The following AHDC1 variants were observed in gnomAD, a reference collection of about 807,000 sequenced individuals.
AHDC1 encodes transcription factor Gibbin.
AHDC1 carries 7 observed loss-of-function variants against 87.9 expected under a neutral mutation model. The observed-to-expected ratio is 0.08, with a 90% CI of 0.05 to 0.15. The LOEUF is 0.15. Ranked by LOEUF, AHDC1 falls within the 10% of genes least tolerant of loss-of-function variation. The pLI is 1.00. For missense variants in AHDC1, 1,841 were observed against 2,253.2 expected (o/e 0.82, Z 3.70); for synonymous variants, 1,051 against 1,006.8 (o/e 1.04, Z -0.83).
intron 3 of AHDC1, among the ~76,000 whole-genome samples, chr1:27,583,632 CT>C (rs1228946200): frequency 1.3e-5 from 2 of 152,134 alleles, no homozygotes; most frequent in Non-Finnish European, 2.9e-5. Flanking sequence ...GCCCTCACCC[CT>C]AACCCGTCTC....
Position 27,558,755 on chromosome 1 carries a change from C to T in AHDC1, c.-500G>A, listed in dbSNP as rs1057333941. 3 of 398,550 alleles carry T rather than the reference C, an allele frequency of 7.5e-6. No homozygotes were observed. Among genetic ancestry groups the T allele is most frequent in the Non-Finnish European group, 1.3e-5 (3 of 226,090 alleles). The allele number at this position is 398,550 out of a possible 1,614,324, so 24.7% of individuals were successfully genotyped here. A position where few individuals can be genotyped will look rare whatever the true frequency, so the allele number is the denominator to read the frequency against. ...GGGCTCAGCAGGAAAGGCCTGTCTTCATCAGCATCTCCAGGGTGGTCTCTG... is the reference window on the plus strand; with the variant it reads ...GGGCTCAGCAGGAAAGGCCTGTCTTTATCAGCATCTCCAGGGTGGTCTCTG... On this transcript the variant is annotated 5_prime_UTR_variant, in exon 4 of 9. An upstream start codon of the reference 5' UTR is lost. Transcript: ENST00000673934. This position sits in a 1 kb window ranked among gnomAD's most constrained non-coding sequence, Gnocchi z 5.6.
chr1:27,545,390 C>T (rs1398337074), intron 8 of AHDC1, among the ~76,000 whole-genome samples: 1 of 151,988 alleles, frequency 6.6e-6, no homozygotes, highest in Non-Finnish European at 1.5e-5. Flanking sequence ...GGGAGCAGGG[C>T]CAGAATGTGG....
rs527249863 is a variant in AHDC1, at chr1:27,575,830, T to A, written c.-628-16947A>T. Among the ~76,000 whole-genome samples, 12 of 146,778 alleles carry A rather than the reference T, an allele frequency of 8.2e-5. 1 individual carries two copies. The South Asian group carries it at 2.4e-3, about 29-fold the overall frequency. ...CGGGAGGGGAGCGGCCCGGCCTCGG[T>A]GTTTTCGGCTTTTTCCTGGCCCCCG... is the stretch of plus-strand genomic sequence containing the variant. On this transcript the variant is annotated intron_variant, in intron 3 of 8. Transcript: ENST00000673934.
chr1:27,599,392 G>A lies in AHDC1; in HGVS notation c.-629+4005C>T, dbSNP rs527477824. 3.3e-5 allele frequency among the ~76,000 whole-genome samples: 5 copies of A among 152,132 alleles called. No homozygotes were observed. In the East Asian group the frequency reaches 5.8e-4, roughly 18 times the overall value. ...CCTCCCTCTCTCTCCCGGCAGCAGC[G>A]GCGCCTCCCCCTCCCCTGGGGGGGC... On this transcript the variant is annotated intron_variant, in intron 3 of 8. Transcript: ENST00000673934.
intron 8 of AHDC1, among the ~76,000 whole-genome samples, chr1:27,546,316 G>A (rs6598887): frequency 0.015 from 2,256 of 151,086 alleles, 46 homozygotes; most frequent in African/African-American, 0.053. Flanking sequence ...TCATTTTGGG[G>A]GCATTTTCTG....
intron 3 of AHDC1, among the ~76,000 whole-genome samples, chr1:27,600,383 T>C (rs2089497915): frequency 1.3e-5 from 2 of 151,154 alleles, no homozygotes; most frequent in Admixed American, 1.3e-4. Flanking sequence ...CAGAAGGGCC[T>C]GGGCATCTGG....
chr1:27,545,083 C>T (rs1394818505), intron 8 of AHDC1, among the ~76,000 whole-genome samples: 3 of 150,650 alleles, frequency 2.0e-5, no homozygotes, highest in East Asian at 2.0e-4. Flanking sequence ...AGCTGTTCAG[C>T]CCCATCATTC....
rs964749800 is a variant in AHDC1, at chr1:27,560,347, C to G, written c.-628-1464G>C. 6.6e-6 allele frequency among the ~76,000 whole-genome samples: 1 copy of G among 152,042 alleles called. No individual in the cohort carries two copies. Among genetic ancestry groups the G allele is most frequent in the Admixed American group, 6.6e-5 (1 of 15,262 alleles). On this transcript the variant is annotated intron_variant, in intron 3 of 8. Transcript: ENST00000673934. The surrounding 1 kb of genome is among the most constrained non-coding windows in gnomAD (Gnocchi z 4.1). ...GGGTGTGCACACGCTTTGCCTGGCT[C>G]TCTGCATCTCGCTGTGTCAGGAGCC...
intron 3 of AHDC1, among the ~76,000 whole-genome samples, chr1:27,580,192 T>C (rs1258436422): frequency 1.3e-5 from 2 of 152,132 alleles, no homozygotes; most frequent in African/African-American, 4.8e-5. Flanking sequence ...GGGTAAGCCC[T>C]TCCAGAACAA....
intron 3 of AHDC1, among the ~76,000 whole-genome samples, chr1:27,603,143 A>ACCCCCCCCCCCCCCCC (rs1156376060): frequency 1.8e-5 from 2 of 110,422 alleles, no homozygotes; most frequent in Admixed American, 8.5e-5. Flanking sequence ...AAACCCGAGA[A>ACCCCCCCCCCCCCCCC]CCCCCCCTCC....
At chr1:27,589,787 G>C (rs531813854) in intron 3 of AHDC1, among the ~76,000 whole-genome samples, 1 of 152,150 alleles carries the variant, frequency 6.6e-6, no homozygotes, top group Non-Finnish European at 1.5e-5. Flanking sequence ...ATAAAATCAC[G>C]CTCCCATAAT....
chr1:27,578,391 C>A (rs1248118566), intron 3 of AHDC1, among the ~76,000 whole-genome samples: 1 of 151,950 alleles, frequency 6.6e-6, no homozygotes, highest in African/African-American at 2.4e-5. Context: ...GAGTTCGAGA[C>A]CAGCCTGGCC....
chr1:27,547,217 C>T lies in AHDC1; in HGVS notation c.*43+44G>A, dbSNP rs987359289. ...TGCCTAAGCTCTGATGTCCTCTTCC[C>T]ACCCCCAGGCCTCTGCCCACTGCGC... is the stretch of plus-strand genomic sequence containing the variant. On this transcript the variant is annotated intron_variant, in intron 8 of 8. Coordinates refer to ENST00000673934, the MANE Select transcript of AHDC1 (RefSeq NM_001371928.1). This position sits in a 1 kb window ranked among gnomAD's most constrained non-coding sequence, Gnocchi z 4.9. The T allele has an allele frequency of 5.2e-6, 7 of 1,350,282 alleles. No individual in the cohort carries two copies. The highest frequency in any genetic ancestry group is 2.3e-5 in the Admixed American group (1 of 43,328). The allele number at this position is 1,350,282 out of a possible 1,614,324, so 83.6% of individuals were successfully genotyped here. A position where few individuals can be genotyped will look rare whatever the true frequency, so the allele number is the denominator to read the frequency against.
At chr1:27,554,284 C>T (rs909274062) in intron 5 of AHDC1, among the ~76,000 whole-genome samples, 2 of 152,186 alleles carry the variant, frequency 1.3e-5, no homozygotes, top group South Asian at 2.1e-4. Flanking sequence ...TACCTCTGGC[C>T]TTGTCCTGGC....
intron 3 of AHDC1, among the ~76,000 whole-genome samples, chr1:27,566,199 C>T (rs992110333): frequency 6.6e-6 from 1 of 151,944 alleles, no homozygotes; most frequent in African/African-American, 2.4e-5. Flanking sequence ...GAAATCAAGG[C>T]AGAGATTCAG....
intron 8 of AHDC1, among the ~76,000 whole-genome samples, chr1:27,541,066 A>T (rs1571210897): frequency 7.1e-6 from 1 of 140,774 alleles, no homozygotes; most frequent in Admixed American, 7.2e-5. Flanking sequence ...CATAATGGGG[A>T]GAATGAACTG....
chr1:27,589,457 T>C (rs2089161552), intron 3 of AHDC1, among the ~76,000 whole-genome samples: 1 of 152,198 alleles, frequency 6.6e-6, no homozygotes, highest in South Asian at 2.1e-4. Flanking sequence ...ATGTGTGTCC[T>C]AGACTCCATG....
rs778464882 is a variant in AHDC1, at chr1:27,551,655, C to T, written c.461G>A (p.Arg154His). 16 of 1,612,604 alleles carry T rather than the reference C, an allele frequency of 9.9e-6. No homozygotes were observed. The highest frequency in any genetic ancestry group is 1.6e-4 in the Middle Eastern group (1 of 6,070). Residue 154 changes from arginine to histidine, a missense_variant, in exon 8 of 9, where the codon CGC becomes CAC. By Grantham distance (29) the Arg-to-His change is conservative (BLOSUM62 0). Coordinates refer to ENST00000673934, the MANE Select transcript of AHDC1 (RefSeq NM_001371928.1). ...GTCGCCGGGTGGCGGTGCAGGCGGGCGGCTCAGTCGGAGCCCACCACAGTC... is the reference window on the plus strand; with the variant it reads ...GTCGCCGGGTGGCGGTGCAGGCGGGTGGCTCAGTCGGAGCCCACCACAGTC... ...HLDCGGLRLS[R>H]PPAPPPGDLQ...
At chr1:27,537,434 G>A (rs1446223404) in intron 8 of AHDC1, among the ~76,000 whole-genome samples, 1 of 152,230 alleles carries the variant, frequency 6.6e-6, no homozygotes, top group Non-Finnish European at 1.5e-5. Flanking sequence ...AGGAGAGACT[G>A]TGGCTCTTCA....
Sources: gnomAD v4.1 joint callset for allele counts (sites outside exome capture counted in the v4.1 genomes callset) on GRCh38, gnomAD v4.1.1 for gene constraint, Gnocchi (gnomAD v3.1) non-coding constraint, MANE v1.5 for transcripts, NCBI Gene and HGNC (gene_info 2026-07-23, HGNC 2026-07-21) for gene names.